Variants in GRIN2B observed in about 807,000 individuals in gnomAD.
The protein encoded by GRIN2B is glutamate ionotropic receptor NMDA type subunit 2B.
Under a neutral mutation model 114.5 loss-of-function variants are expected in GRIN2B, and 5 were observed. That is an observed-to-expected ratio of 0.04 (90% confidence interval 0.02 to 0.09). The LOEUF is 0.09. Ranked by LOEUF, GRIN2B falls within the 10% of genes least tolerant of loss-of-function variation. The pLI is 1.00. For missense variants in GRIN2B, 1,108 were observed against 1,943.5 expected, an observed-to-expected ratio of 0.57 and a Z score of 8.08; for synonymous variants, 787 against 745.1, an observed-to-expected ratio of 1.06 and a Z score of -0.92.
chr12:13,872,061 T>C (rs1358234422), intron 2 of GRIN2B, among the ~76,000 whole-genome samples: 1 of 151,334 alleles, frequency 6.6e-6, no homozygotes, highest in Non-Finnish European at 1.5e-5. Context: ...ATTAAGTATA[T>C]CAAACTTTTA....
intron 2 of GRIN2B, among the ~76,000 whole-genome samples, chr12:13,932,087 C>T (rs1025325278): frequency 1.3e-5 from 2 of 152,164 alleles, no homozygotes; most frequent in African/African-American, 4.8e-5. Flanking sequence ...CTGAAAGGCC[C>T]TCATGATTCA....
intron 5 of GRIN2B, among the ~76,000 whole-genome samples, chr12:13,646,273 C>A (rs1949760983): frequency 6.6e-6 from 1 of 152,172 alleles, no homozygotes; most frequent in African/African-American, 2.4e-5. Flanking sequence ...ACCCATTTCT[C>A]TTCCTCCAAC....
chr12:13,752,059 G>C (rs1863492605), intron 4 of GRIN2B, among the ~76,000 whole-genome samples: 1 of 152,180 alleles, frequency 6.6e-6, no homozygotes. Flanking sequence ...TATAACTACT[G>C]TGAACCTGGT....
intron 11 of GRIN2B, among the ~76,000 whole-genome samples, chr12:13,570,505 G>A (rs1948692261): frequency 6.6e-6 from 1 of 152,148 alleles, no homozygotes; most frequent in South Asian, 2.1e-4. Flanking sequence ...ATTCTGTTGT[G>A]CAACACAAGG....
In GRIN2B at chr12:13,555,125, C is replaced by G. The variant is rs945435779; in HGVS notation, c.*7658G>C. 8.5e-5 allele frequency: 13 copies of G among 152,054 alleles called. No individual in the cohort carries two copies. The highest frequency in any genetic ancestry group is 3.1e-4 in the African/African-American group (13 of 41,394). 9.4% of individuals were successfully genotyped at this position (152,054 alleles called of 1,614,324 possible). On this transcript the variant is annotated 3_prime_UTR_variant, in exon 14 of 14. Transcript: ENST00000609686. ...AGAAGAGGGTCAAGCTCAGATATAC[C>G]ATGGCAAGTCAATGCTAAGGAGATA... is the stretch of plus-strand genomic sequence containing the variant.
In GRIN2B at chr12:13,549,646, GT is replaced by G. The variant is rs1207307896; in HGVS notation, c.*13136del. ...ACTCTGGAAGAAATCCTCTGTCCCAGTTTATTCTTGAGTTTTTTATTTATGT... is the reference window on the plus strand; with the variant it reads ...ACTCTGGAAGAAATCCTCTGTCCCAGTTATTCTTGAGTTTTTTATTTATGT... On this transcript the variant is annotated 3_prime_UTR_variant, in exon 14 of 14. Transcript: ENST00000609686. The G allele has an allele frequency of 2.6e-5, 4 of 151,960 alleles. No individual in the cohort carries two copies. Among genetic ancestry groups the G allele is most frequent in the Non-Finnish European group, 5.9e-5 (4 of 67,992 alleles). The allele number at this position is 151,960 out of a possible 1,614,324, so 9.4% of individuals were successfully genotyped here.
intron 2 of GRIN2B, among the ~76,000 whole-genome samples, chr12:13,875,428 G>A (rs11055658): frequency 0.1 from 15,882 of 152,212 alleles, 938 homozygotes; most frequent in South Asian, 0.16. Context: ...TTGGGAGGCT[G>A]AGGCAGGAGA....
rs879592387 is a variant in GRIN2B at position 13,571,854 on chromosome 12, T to G, written c.2121A>C (p.Gly707=). Residue 707 remains glycine, a synonymous_variant, in exon 11 of 14, where the codon GGA becomes GGC. Coordinates refer to ENST00000609686, the MANE Select transcript of GRIN2B (RefSeq NM_000834.5). ...NNYAEMHAYM[G]KFNQRGVDDA... ...CATCTACACCCCTCTGGTTGAACTTTCCCATGTAGGCATGCATTTCTGCAT... is the reference window on the plus strand; with the variant it reads ...CATCTACACCCCTCTGGTTGAACTTGCCCATGTAGGCATGCATTTCTGCAT... 10 of 1,614,140 alleles carry G rather than the reference T, an allele frequency of 6.2e-6. No homozygotes were observed. The highest frequency in any genetic ancestry group is 8.5e-6 in the Non-Finnish European group (10 of 1,179,958).
chr12:13,808,825 G>A (rs1041472405), intron 3 of GRIN2B, among the ~76,000 whole-genome samples: 7 of 150,960 alleles, frequency 4.6e-5, no homozygotes, highest in Non-Finnish European at 8.8e-5. Flanking sequence ...AGAGTTCAGC[G>A]CTCAGGCTAT....
At chr12:13,912,574 G>GC (rs1355401253) in intron 2 of GRIN2B, among the ~76,000 whole-genome samples, 7 of 152,114 alleles carry the variant, frequency 4.6e-5, no homozygotes, top group Non-Finnish European at 8.8e-5. Flanking sequence ...GGCACAGGGT[G>GC]CGGATGTAGC....
intron 3 of GRIN2B, among the ~76,000 whole-genome samples, chr12:13,767,163 G>A (rs537087656): frequency 1.3e-5 from 2 of 151,814 alleles, no homozygotes; most frequent in South Asian, 2.1e-4. Flanking sequence ...TGGAGGCTGA[G>A]GCAGGAGAAT....
At chr12:13,816,923 C>T (rs1485836595) in intron 3 of GRIN2B, among the ~76,000 whole-genome samples, 1 of 152,104 alleles carries the variant, frequency 6.6e-6, no homozygotes, top group Non-Finnish European at 1.5e-5. Context: ...ACAAATCTTG[C>T]CAAGCAGTTT....
intron 4 of GRIN2B, among the ~76,000 whole-genome samples, chr12:13,745,826 C>A (rs1214437070): frequency 6.6e-6 from 1 of 152,128 alleles, no homozygotes; most frequent in Non-Finnish European, 1.5e-5. Flanking sequence ...CATCACACAG[C>A]CTGAGCTGGG....
chr12:13,843,278 A>G (rs1168880624), intron 3 of GRIN2B, among the ~76,000 whole-genome samples: 1 of 151,662 alleles, frequency 6.6e-6, no homozygotes. Flanking sequence ...CTCACTTTCC[A>G]AATTTTGGTT....
chr12:13,858,661 A>G (rs1370658852), intron 3 of GRIN2B, among the ~76,000 whole-genome samples: 1 of 151,142 alleles, frequency 6.6e-6, no homozygotes, highest in East Asian at 1.9e-4. Flanking sequence ...TTCATGTAAT[A>G]ATTCACTTTT....
intron 3 of GRIN2B, among the ~76,000 whole-genome samples, chr12:13,767,258 CAA>C (rs34462939): frequency 2.5e-3 from 241 of 97,642 alleles, no homozygotes; most frequent in Non-Finnish European, 3.1e-3. Context: ...GACTCTGTCT[CAA>C]AAAAAAAAAA....
In GRIN2B at chr12:13,582,969, T is replaced by G. The variant is rs530942348; in HGVS notation, c.2011-11005A>C. Reference sequence around the variant, plus strand: ...ATATTTCCTGAAATATTTCATAAAATCAGATAATGGCATGTTAGCTAGCTG... The same window carrying G: ...ATATTTCCTGAAATATTTCATAAAAGCAGATAATGGCATGTTAGCTAGCTG... On this transcript the variant is annotated intron_variant, in intron 10 of 13. Transcript: ENST00000609686. 1.6e-4 allele frequency among the ~76,000 whole-genome samples: 24 copies of G among 152,322 alleles called. 1 individual carries two copies. The highest frequency in any genetic ancestry group is 5.5e-4 in the African/African-American group (23 of 41,582).
chr12:13,652,827 A>G (rs1949828208), intron 5 of GRIN2B, among the ~76,000 whole-genome samples: 1 of 152,174 alleles, frequency 6.6e-6, no homozygotes, highest in African/African-American at 2.4e-5. Flanking sequence ...AGGCTGAAGA[A>G]AGAAGACGGT....
intron 2 of GRIN2B, among the ~76,000 whole-genome samples, chr12:13,960,049 T>C (rs745897554): frequency 2.0e-5 from 3 of 152,104 alleles, no homozygotes; most frequent in South Asian, 2.1e-4. Flanking sequence ...CATTTTGCGA[T>C]GCCTCATTCT....
Sources: allele counts gnomAD v4.1 joint callset (sites outside exome capture counted in the v4.1 genomes callset), GRCh38; gene constraint gnomAD v4.1.1; transcripts MANE v1.5; gene names NCBI Gene and HGNC (gene_info 2026-07-23, HGNC 2026-07-21).